The following NSD2 variants were observed in gnomAD, a reference collection of about 807,000 sequenced individuals.
NSD2 encodes nuclear receptor binding SET domain protein 2, also known as histone-lysine N-methyltransferase NSD2.
Under a neutral mutation model 139.0 loss-of-function variants are expected in NSD2, and 12 were observed. That is an observed-to-expected ratio of 0.09 (90% confidence interval 0.06 to 0.14). The LOEUF is 0.14. NSD2 is among the 10% of genes least tolerant of loss of function. NSD2 has a pLI of 1.00. For synonymous variants in NSD2, 669 were observed against 648.7 expected (o/e 1.03, Z -0.48); for missense variants, 1,155 against 1,745.0 (o/e 0.66, Z 6.02).
chr4:1,909,201 A>G (rs1357068389), intron 3 of NSD2, among the ~76,000 whole-genome samples: 1 of 151,820 alleles, frequency 6.6e-6, no homozygotes, highest in Admixed American at 6.6e-5. Flanking sequence ...GCCCTTGAGC[A>G]CCTCTTTACG....
chr4:1,946,870 T>C, intron 9 of NSD2: 1 of 1,059,010 alleles, frequency 9.4e-7, no homozygotes, highest in Non-Finnish European at 1.1e-6. Context: ...TGGATACCTT[T>C]GAACTCCATG....
In NSD2 at chr4:1,901,267, T is replaced by C. The variant is rs1402060248; in HGVS notation, c.597+16T>C. 1.3e-6 allele frequency: 2 copies of C among 1,544,640 alleles called. No homozygotes were observed. Among genetic ancestry groups the C allele is most frequent in the Non-Finnish European group, 1.7e-6 (2 of 1,151,416 alleles). ...AGATAAAAAGGTATTTAGGAGACGTTGTGTAAGGGGTCATGTGACCTTGAG... is the reference window on the plus strand; with the variant it reads ...AGATAAAAAGGTATTTAGGAGACGTCGTGTAAGGGGTCATGTGACCTTGAG... On this transcript the variant is annotated intron_variant, in intron 2 of 21. Coordinates refer to ENST00000508803, the MANE Select transcript of NSD2 (RefSeq NM_001042424.3).
chr4:1,925,389 C>CTTTTTTTTTTTTTTTTTTTT (rs34335852), intron 5 of NSD2, among the ~76,000 whole-genome samples: 1 of 37,998 alleles, frequency 2.6e-5, no homozygotes, highest in African/African-American at 1.2e-4. Flanking sequence ...CTTTTTCTTT[C>CTTTTTTTTTTTTTTTTTTTT]TTTTTTTTTT....
chr4:1,876,998 G>A (rs556035962), intron 1 of NSD2, among the ~76,000 whole-genome samples: 4 of 151,826 alleles, frequency 2.6e-5, no homozygotes, highest in African/African-American at 4.8e-5. Flanking sequence ...TTAGCTGGGC[G>A]TGGTGGTGGG....
At position 1,978,777 on chromosome 4, in the gene NSD2, C is replaced by T. The variant is rs774320917; in HGVS notation, c.3966C>T (p.Tyr1322=). The change falls in exon 22 of 22, where the codon TAC becomes TAT. Residue 1322 remains tyrosine, a synonymous_variant. Transcript: ENST00000508803. The part of the protein sequence containing the change: ...AFSCTPDGRS[Y]CCEHDLGAAS... ...GCTGCACCCCGGACGGGCGGTCCTA[C>T]TGCTGTGAGCATGACTTAGGGGCGG... is the stretch of plus-strand genomic sequence containing the variant. 10 of 1,613,884 alleles carry T rather than the reference C, an allele frequency of 6.2e-6. 1 individual carries two copies. Among genetic ancestry groups the T allele is most frequent in the East Asian group, 2.2e-5 (1 of 44,884 alleles).
intron 9 of NSD2, chr4:1,943,858 T>C: frequency 5.6e-6 from 6 of 1,063,292 alleles, no homozygotes; most frequent in Non-Finnish European, 6.8e-6. Flanking sequence ...GGGATTTCAT[T>C]TGAAATTACA....
intron 9 of NSD2, chr4:1,944,312 A>T (rs1723400769): frequency 1.9e-6 from 2 of 1,066,112 alleles, no homozygotes; most frequent in African/African-American, 3.3e-5. Context: ...CTTAGGGAGG[A>T]CCATTGGCTT....
rs1727305257 is a variant in NSD2, at chr4:1,978,119, TC to T, written c.3827-517del. 3.3e-5 allele frequency among the ~76,000 whole-genome samples: 5 copies of T among 150,946 alleles called. 1 individual carries two copies. Among genetic ancestry groups the T allele is most frequent in the Admixed American group, 1.3e-4 (2 of 15,216 alleles). On this transcript the variant is annotated intron_variant, in intron 21 of 21. Coordinates refer to ENST00000508803, the MANE Select transcript of NSD2 (RefSeq NM_001042424.3). Reference sequence around the variant, plus strand: ...TCCAGCCTGGGCGACAGAGCTAGACTCCATCTCAAAAAAAAAAGAATTCAGA... The same window carrying T: ...TCCAGCCTGGGCGACAGAGCTAGACTCATCTCAAAAAAAAAAGAATTCAGA...
intron 9 of NSD2, among the ~76,000 whole-genome samples, chr4:1,949,735 G>A (rs1724015143): frequency 6.7e-6 from 1 of 149,204 alleles, no homozygotes; most frequent in Non-Finnish European, 1.5e-5. Flanking sequence ...CTGCACTCCA[G>A]CCTGGGCGAC....
At chr4:1,977,497 C>A (rs1488586534) in intron 21 of NSD2, among the ~76,000 whole-genome samples, 2 of 152,170 alleles carry the variant, frequency 1.3e-5, no homozygotes, top group Non-Finnish European at 2.9e-5. Context: ...CAAAAGAGGC[C>A]AGGTGCGGGG....
chr4:1,968,653 C>G (rs1318293828), intron 18 of NSD2, among the ~76,000 whole-genome samples: 13 of 151,968 alleles, frequency 8.6e-5, no homozygotes. Flanking sequence ...ATCAAAATGT[C>G]AATAATCACA....
chr4:1,951,213 A>G lies in NSD2; in HGVS notation c.2013+10A>G. The stretch of plus-strand genomic sequence containing the variant: ...GGAGTATGTGTGCCAGGTGAGGAGA[A>G]GGCAGCATCCGCTATGTCCGTGCTG... On this transcript the variant is annotated intron_variant, in intron 10 of 21. Transcript: ENST00000508803. The G allele has an allele frequency of 6.2e-7, 1 of 1,614,030 alleles. No homozygotes were observed. The highest frequency in any genetic ancestry group is 8.5e-7 in the Non-Finnish European group (1 of 1,179,950).
At position 1,939,913 on chromosome 4, in the gene NSD2, C is replaced by A. The variant is rs964887191; in HGVS notation, c.1881+135C>A. On this transcript the variant is annotated intron_variant, in intron 9 of 21. Coordinates refer to ENST00000508803, the MANE Select transcript of NSD2 (RefSeq NM_001042424.3). The stretch of plus-strand genomic sequence containing the variant: ...ACTGCCAGTGCAGATGTTTTAGGGC[C>A]TCTTGGCTAACTCAGATTCATGAAA... 8 of 1,531,556 alleles carry A rather than the reference C, an allele frequency of 5.2e-6. No homozygotes were observed. The South Asian group carries it at 9.9e-5, about 19-fold the overall frequency. 94.9% of individuals were successfully genotyped at this position (1,531,556 alleles called of 1,614,324 possible).
chr4:1,963,646 T>C (rs1021155897), intron 18 of NSD2, among the ~76,000 whole-genome samples: 13 of 152,240 alleles, frequency 8.5e-5, no homozygotes, highest in African/African-American at 2.4e-4. Flanking sequence ...CTGAGGTACC[T>C]GATTGAGGCA....
In NSD2 at chr4:1,955,255, C is replaced by T. The variant is rs1281568405; in HGVS notation, c.2433C>T (p.Ile811=). 5.0e-6 allele frequency: 8 copies of T among 1,614,056 alleles called. No homozygotes were observed. Among genetic ancestry groups the T allele is most frequent in the Middle Eastern group, 1.7e-4 (1 of 6,044 alleles). Residue 811 remains isoleucine, a synonymous_variant, in exon 13 of 22, where the codon ATC becomes ATT. Transcript: ENST00000508803. The surrounding 1 kb of genome is among the most constrained non-coding windows in gnomAD (Gnocchi z 4.7). ...AGCSVIASNS[I]ICTAHFTARK... The stretch of plus-strand genomic sequence containing the variant: ...GCTCAGTGATCGCCTCCAACAGCAT[C>T]ATCTGCACTGCCCACTTCACTGCTC...
intron 3 of NSD2, among the ~76,000 whole-genome samples, chr4:1,905,827 G>C (rs901944178): frequency 9.9e-5 from 15 of 152,174 alleles, no homozygotes; most frequent in African/African-American, 3.6e-4. Context: ...CCAGAATTCG[G>C]GGATTCCTTT....
intron 1 of NSD2, among the ~76,000 whole-genome samples, chr4:1,872,629 A>AGAGAGAGAGAGC (rs1553856461): frequency 2.8e-4 from 40 of 142,674 alleles, no homozygotes; most frequent in African/African-American, 1.0e-3. Context: ...AGAGAGAGAG[A>AGAGAGAGAGAGC]GAGAGAGCGC....
chr4:1,890,820 A>G (rs927544083), intron 1 of NSD2, among the ~76,000 whole-genome samples: 2 of 149,078 alleles, frequency 1.3e-5, no homozygotes, highest in African/African-American at 5.0e-5. Flanking sequence ...CTGGTCTCGA[A>G]CTCCTGACCT....
intron 18 of NSD2, among the ~76,000 whole-genome samples, chr4:1,964,634 TGCC>T (rs1488070309): frequency 6.6e-6 from 1 of 152,160 alleles, no homozygotes; most frequent in East Asian, 1.9e-4. Context: ...TGCGCTGCGC[TGCC>T]GTTGTTATCA....
Sources: gnomAD v4.1 joint callset for allele counts (sites outside exome capture counted in the v4.1 genomes callset) on GRCh38, gnomAD v4.1.1 for gene constraint, Gnocchi (gnomAD v3.1) non-coding constraint, MANE v1.5 for transcripts, NCBI Gene and HGNC (gene_info 2026-07-23, HGNC 2026-07-21) for gene names.